NPAS1: variants seen among roughly 807,000 people sequenced by gnomAD.
NPAS1 encodes the protein neuronal PAS domain-containing protein 1.
NPAS1 carries 29 observed loss-of-function variants against 49.2 expected under a neutral mutation model. The observed-to-expected ratio is 0.59, with a 90% confidence interval of 0.44 to 0.80. The LOEUF is 0.80. Among genes scored for constraint, NPAS1 ranks in the 30% least tolerant of loss-of-function variants. The probability of loss-of-function intolerance (pLI) is 0.00; values close to 1 mark genes in which losing one functional copy is unlikely to be tolerated. For synonymous variants in NPAS1, 408 were observed against 380.4 expected (o/e 1.07, Z -0.84); for missense variants, 825 against 835.5 (o/e 0.99, Z 0.15).
In NPAS1 at chr19:47,019,980, G is replaced by A. The variant is rs2056828524; in HGVS notation, c.-60G>A. 2 of 394,706 alleles carry A rather than the reference G, an allele frequency of 5.1e-6. No homozygotes were observed. The highest frequency in any genetic ancestry group is 8.9e-6 in the Non-Finnish European group (2 of 223,684). 24.5% of individuals were successfully genotyped at this position (394,706 alleles called of 1,614,324 possible). Reference sequence around the variant, plus strand: ...GAGCCTGCTCTGCGGCCAAGTAATCGGACTGGCGGTCCTGCGGGTAGGGGA... The same window carrying A: ...GAGCCTGCTCTGCGGCCAAGTAATCAGACTGGCGGTCCTGCGGGTAGGGGA... On this transcript the variant is annotated 5_prime_UTR_variant, in exon 1 of 12. Transcript: ENST00000602212.
chr19:47,042,282 C>A (rs1196569314), intron 10 of NPAS1, among the ~76,000 whole-genome samples: 1 of 152,162 alleles, frequency 6.6e-6, no homozygotes, highest in Non-Finnish European at 1.5e-5. Flanking sequence ...GCACTCCAGC[C>A]TGGGCAACAC....
intron 3 of NPAS1, among the ~76,000 whole-genome samples, chr19:47,023,295 C>T (rs541988579): frequency 1.6e-4 from 25 of 152,268 alleles, no homozygotes; most frequent in Admixed American, 4.6e-4. Flanking sequence ...TAAGAGAGCC[C>T]CGGCGGCGTC....
rs759293824 is a variant in NPAS1 at position 47,036,110 on chromosome 19, T to G, written c.669T>G (p.Leu223=). 4 of 1,568,986 alleles carry G rather than the reference T, an allele frequency of 2.5e-6. No homozygotes were observed. In the East Asian group the frequency reaches 7.1e-5, roughly 28 times the overall value. ...CTTCCTCCTCCTCTTCCTCTTCGCT[T>G]GCAGATACCCCCGAGATCGGTAATT... ...VSSSSSSSSS[L]ADTPEIEASL... Residue 223 remains leucine, a synonymous_variant, in exon 6 of 12, where the codon CTT becomes CTG. Coordinates refer to ENST00000602212, the MANE Select transcript of NPAS1 (RefSeq NM_002517.4).
Position 47,028,791 on chromosome 19 carries a change from C to T in NPAS1, c.359-3487C>T, listed in dbSNP as rs1232899191. Among the ~76,000 whole-genome samples the T allele has an allele frequency of 2.0e-5, 3 of 152,232 alleles. No individual in the cohort carries two copies. The East Asian group carries it at 5.8e-4, about 30-fold the overall frequency. On this transcript the variant is annotated intron_variant, in intron 3 of 11. Coordinates refer to ENST00000602212, the MANE Select transcript of NPAS1 (RefSeq NM_002517.4). Reference sequence around the variant, plus strand: ...CAAGGTCACCAAGTCTCTCCCCTGGCTCCCCACTCTCAGCACTGGGTTGGA... The same window carrying T: ...CAAGGTCACCAAGTCTCTCCCCTGGTTCCCCACTCTCAGCACTGGGTTGGA...
intron 8 of NPAS1, 40 bp downstream of exon 8, chr19:47,039,604 CAATG>C (rs2056997528): frequency 6.6e-7 from 1 of 1,523,884 alleles, no homozygotes; most frequent in Non-Finnish European, 8.8e-7. Context: ...ATTGGGGGCA[CAATG>C]GAGATCTGGG....
chr19:47,043,007 C>T, intron 11 of NPAS1, 103 bp downstream of exon 11: 1 of 876,764 alleles, frequency 1.1e-6, no homozygotes, highest in Admixed American at 3.9e-5. Flanking sequence ...CATTTATATA[C>T]AATTAAAATT....
At position 47,019,903 on chromosome 19, in the gene NPAS1, G is replaced by A. The variant is rs1314214905; in HGVS notation, c.-137G>A. 4 of 376,714 alleles carry A rather than the reference G, an allele frequency of 1.1e-5. No individual in the cohort carries two copies. The South Asian group carries it at 3.9e-4, about 37-fold the overall frequency. 23.3% of individuals were successfully genotyped at this position (376,714 alleles called of 1,614,324 possible). ...TCCCGCTGCGCCCCGCGCGCCCCGG[G>A]GTCTATGGAGCTGCCCCTCCGCGCC... On this transcript the variant is annotated 5_prime_UTR_variant, in exon 1 of 12. Coordinates refer to ENST00000602212, the MANE Select transcript of NPAS1 (RefSeq NM_002517.4).
chr19:47,024,809 C>CTT (rs774304674), intron 3 of NPAS1, among the ~76,000 whole-genome samples: 19,310 of 133,446 alleles, frequency 0.14, 1,823 homozygotes, highest in South Asian at 0.38. Flanking sequence ...TTCCCTATTG[C>CTT]TTTTTTTTTT....
At chr19:47,043,555 A>C (rs1181102416) in intron 11 of NPAS1, among the ~76,000 whole-genome samples, 1 of 152,004 alleles carries the variant, frequency 6.6e-6, no homozygotes, top group Non-Finnish European at 1.5e-5. Flanking sequence ...ATGCCACTGC[A>C]CTCCAGTCTA....
chr19:47,040,921 T>C, intron 9 of NPAS1, 57 bp from the exon 10 acceptor site: 2 of 1,389,874 alleles, frequency 1.4e-6, no homozygotes, highest in Non-Finnish European at 1.9e-6. Context: ...CCTGGCTCTC[T>C]GTCTTGCCCC....
rs181056684 is a variant in NPAS1, at chr19:47,042,980, C to T, written c.1312+76C>T. 4.8e-3 allele frequency: 5,321 copies of T among 1,118,754 alleles called. 23 individuals are homozygous for T. The highest frequency in any genetic ancestry group is 5.0e-3 in the Non-Finnish European group (4,047 of 809,772). The allele number at this position is 1,118,754 out of a possible 1,614,324, so 69.3% of individuals were successfully genotyped here. Reference sequence around the variant, plus strand: ...GGTCCTGGCTGTCCATTCCAGAAGCCACTAGCCACATGCAGCCATTTATAT... The same window carrying T: ...GGTCCTGGCTGTCCATTCCAGAAGCTACTAGCCACATGCAGCCATTTATAT... On this transcript the variant is annotated intron_variant, in intron 11 of 11. Coordinates refer to ENST00000602212, the MANE Select transcript of NPAS1 (RefSeq NM_002517.4).
At chr19:47,040,851 TCTC>T in intron 9 of NPAS1, 124 bp from the exon 10 acceptor site, 1 of 784,260 alleles carries the variant, frequency 1.3e-6, no homozygotes, top group East Asian at 2.9e-5. Context: ...CTTTTTCTCT[TCTC>T]CCCACCGTCT....
At chr19:47,030,055 G>A (rs529242296) in intron 3 of NPAS1, among the ~76,000 whole-genome samples, 1 of 151,928 alleles carries the variant, frequency 6.6e-6, no homozygotes, top group East Asian at 1.9e-4. Context: ...ATGGAGTCTC[G>A]CTCTGTCACC....
chr19:47,026,827 G>A (rs1302230421), intron 3 of NPAS1, among the ~76,000 whole-genome samples: 7 of 58,246 alleles, frequency 1.2e-4, no homozygotes, highest in African/African-American at 1.9e-4. Context: ...TGGTGGTGGT[G>A]CCTGTACTCC....
Position 47,045,570 on chromosome 19 carries a change from G to C in NPAS1, c.1692G>C (p.Ala564=). The part of the protein sequence containing the change: ...PHLQRLGPGP[A]LPEAFYPPLG... ...TGCAGAGGCTGGGTCCGGGCCCCGC[G>C]CTCCCGGAGGCCTTTTACCCGCCCC... The change falls in exon 12 of 12, where the codon GCG becomes GCC. Residue 564 remains alanine (A), a synonymous_variant. Transcript: ENST00000602212. 3 of 1,492,552 alleles carry C rather than the reference G, an allele frequency of 2.0e-6. No homozygotes were observed. Among genetic ancestry groups the C allele is most frequent in the Non-Finnish European group, 1.8e-6 (2 of 1,131,696 alleles). The allele number at this position is 1,492,552 out of a possible 1,614,324, so 92.5% of individuals were successfully genotyped here.
rs2057015271 is a variant in NPAS1 at position 47,040,998 on chromosome 19, A to ATGAC, written c.1093_1096dup (p.Gly366AspfsTer63). 1 of 1,518,826 alleles carries ATGAC rather than the reference A, an allele frequency of 6.6e-7. No homozygotes were observed. The highest frequency in any genetic ancestry group is 8.8e-7 in the Non-Finnish European group (1 of 1,133,738). 94.1% of individuals were successfully genotyped at this position (1,518,826 alleles called of 1,614,324 possible). On this transcript the variant is annotated frameshift_variant, in exon 10 of 12. Transcript: ENST00000602212. LOFTEE classifies it high-confidence loss of function. ...CCCAGTGCTGGACAAGGGTCAGGTG[A>ATGAC]TGACTGGTTACTACCGTTGGCTGCA...
Position 47,043,589 on chromosome 19 carries a change from AAAAC to A in NPAS1, c.1312+697_1312+700del, listed in dbSNP as rs201722868. Among the ~76,000 whole-genome samples the A allele has an allele frequency of 4.8e-3, 709 of 149,134 alleles. 1 individual carries two copies. The highest frequency in any genetic ancestry group is 6.1e-3 in the Non-Finnish European group (413 of 67,834). On this transcript the variant is annotated intron_variant, in intron 11 of 11. Coordinates refer to ENST00000602212, the MANE Select transcript of NPAS1 (RefSeq NM_002517.4). Reference sequence around the variant, plus strand: ...TAGGTGACAGAGCAAGATTTAAAACAAAACAAACAAACAAAAAATTAGCTGGGCA... The same window carrying A: ...TAGGTGACAGAGCAAGATTTAAAACAAAACAAACAAAAAATTAGCTGGGCA...
intron 3 of NPAS1, among the ~76,000 whole-genome samples, chr19:47,027,314 T>C (rs1350163881): frequency 7.1e-6 from 1 of 140,800 alleles, no homozygotes; most frequent in African/African-American, 2.9e-5. Context: ...GGCTTCTGCC[T>C]TCTGCCCCTG....
At chr19:47,028,621 C>G (rs547003314) in intron 3 of NPAS1, among the ~76,000 whole-genome samples, 1 of 152,168 alleles carries the variant, frequency 6.6e-6, no homozygotes, top group Non-Finnish European at 1.5e-5. Context: ...CCGCTCCTGG[C>G]AAACCCGCTT....
Sources: allele counts gnomAD v4.1 joint callset (sites outside exome capture counted in the v4.1 genomes callset), GRCh38; gene constraint gnomAD v4.1.1; transcripts MANE v1.5; gene names NCBI Gene and HGNC (gene_info 2026-07-23, HGNC 2026-07-21).